The following STXBP6 variants were observed in gnomAD, a reference collection of about 807,000 sequenced individuals.
The protein encoded by STXBP6 is syntaxin binding protein 6, also known as syntaxin-binding protein 6.
A neutral mutation model predicts 26.9 loss-of-function variants in STXBP6; 21 were observed. That is an observed-to-expected ratio of 0.78 (90% CI 0.55 to 1.12). The LOEUF is 1.12. Ranked by LOEUF, STXBP6 falls within the 50% of genes most tolerant of loss-of-function variation. The probability of loss-of-function intolerance (pLI) is 0.00; values close to 1 mark genes in which losing one functional copy is unlikely to be tolerated. For missense variants in STXBP6, 232 were observed against 257.9 expected, an observed-to-expected ratio of 0.90 and a Z score of 0.69; for synonymous variants, 97 against 92.6, an observed-to-expected ratio of 1.05 and a Z score of -0.27.
chr14:24,919,434 GAAA>G (rs1159839415), intron 2 of STXBP6, among the ~76,000 whole-genome samples: 2 of 144,260 alleles, frequency 1.4e-5, no homozygotes, highest in African/African-American at 5.2e-5. Context: ...AAATAAATGC[GAAA>G]AATAAAAAAA....
At chr14:24,902,968 C>T (rs2071265447) in intron 2 of STXBP6, among the ~76,000 whole-genome samples, 1 of 152,024 alleles carries the variant, frequency 6.6e-6, no homozygotes, top group African/African-American at 2.4e-5. Flanking sequence ...AAATATTTTG[C>T]AATATATTTA....
chr14:24,824,581 C>T (rs1189080775), intron 4 of STXBP6, among the ~76,000 whole-genome samples: 5 of 152,218 alleles, frequency 3.3e-5, no homozygotes, highest in African/African-American at 1.2e-4. Flanking sequence ...TACTAAATCA[C>T]ATCACTGCAT....
chr14:24,826,223 C>T (rs185299908), intron 4 of STXBP6, among the ~76,000 whole-genome samples: 4 of 151,828 alleles, frequency 2.6e-5, no homozygotes, highest in Admixed American at 2.6e-4. Flanking sequence ...ATACTTGCTA[C>T]TTACCAGCTG....
intron 2 of STXBP6, among the ~76,000 whole-genome samples, chr14:24,905,939 T>G (rs530818145): frequency 6.6e-6 from 1 of 152,256 alleles, no homozygotes; most frequent in African/African-American, 2.4e-5. Flanking sequence ...ATCTTATCCA[T>G]TGTAATAAGT....
chr14:25,027,946 TCTAA>T (rs1050479854), intron 1 of STXBP6, among the ~76,000 whole-genome samples: 9 of 152,158 alleles, frequency 5.9e-5, no homozygotes, highest in African/African-American at 1.7e-4. Flanking sequence ...AGAGAAAGGC[TCTAA>T]CTCTCTTCAA....
intron 2 of STXBP6, among the ~76,000 whole-genome samples, chr14:24,880,233 T>C (rs1021322648): frequency 4.6e-5 from 7 of 152,194 alleles, no homozygotes; most frequent in African/African-American, 1.7e-4. Flanking sequence ...GCGGAAAGTT[T>C]CCTTAGTTAG....
At chr14:24,840,517 G>A (rs1231738339) in intron 4 of STXBP6, among the ~76,000 whole-genome samples, 1 of 152,178 alleles carries the variant, frequency 6.6e-6, no homozygotes, top group African/African-American at 2.4e-5. Context: ...ATTACTCCCA[G>A]AGCTTTCCTG....
chr14:25,043,280 CCAAAGA>C (rs1337420943), intron 1 of STXBP6, among the ~76,000 whole-genome samples: 1 of 152,130 alleles, frequency 6.6e-6, no homozygotes, highest in African/African-American at 2.4e-5. Context: ...TTCTAGAAAG[CCAAAGA>C]CAAACAAGGA....
chr14:24,826,069 T>C (rs1594913917), intron 4 of STXBP6, among the ~76,000 whole-genome samples: 1 of 152,250 alleles, frequency 6.6e-6, no homozygotes, highest in Non-Finnish European at 1.5e-5. Flanking sequence ...CCAGCTATGA[T>C]CTACAGGTCT....
At chr14:24,884,565 G>A (rs1018578765) in intron 2 of STXBP6, among the ~76,000 whole-genome samples, 2 of 152,160 alleles carry the variant, frequency 1.3e-5, no homozygotes, top group Non-Finnish European at 1.5e-5. Flanking sequence ...TGAACCAACC[G>A]TCAGTGCAAG....
rs112678336 is a variant in STXBP6, at chr14:24,968,846, C to T, written c.154+5819G>A. Among the ~76,000 whole-genome samples, 91 of 152,128 alleles carry T rather than the reference C, an allele frequency of 6.0e-4. 1 individual carries two copies. The highest frequency in any genetic ancestry group is 2.1e-3 in the African/African-American group (87 of 41,496). On this transcript the variant is annotated intron_variant, in intron 2 of 5. Transcript: ENST00000323944. ...AAAATATATCATTATGTCAGATATC[C>T]CAATAAGACAACCCAGAGCATACCC...
In STXBP6 at chr14:24,883,252, T is replaced by G. The variant is rs547430383; in HGVS notation, c.155-26095A>C. ...AAGTATAGAAATACTGCTAAAAGCA[T>G]GTTTTTTTTTAAAAAATACACTCTT... On this transcript the variant is annotated intron_variant, in intron 2 of 5. Coordinates refer to ENST00000323944, the MANE Select transcript of STXBP6 (RefSeq NM_001394410.1). 3.3e-5 allele frequency among the ~76,000 whole-genome samples: 5 copies of G among 152,212 alleles called. No individual in the cohort carries two copies. In the South Asian group the frequency reaches 1.0e-3, roughly 32 times the overall value.
At chr14:24,856,239 T>C in intron 3 of STXBP6, 138 bp from the exon 4 acceptor site, 1 of 834,540 alleles carries the variant, frequency 1.2e-6, no homozygotes, top group Non-Finnish European at 1.7e-6. Flanking sequence ...TCCAAGTGTA[T>C]GGAGAGTCTA....
At chr14:25,029,745 A>G (rs1952490) in intron 1 of STXBP6, among the ~76,000 whole-genome samples, 57,811 of 152,024 alleles carry the variant, frequency 0.38, 12,999 homozygotes, top group African/African-American at 0.63. Context: ...CCCTCCTGAA[A>G]AGACTTACCA....
At chr14:25,025,878 A>G (rs569179924) in intron 1 of STXBP6, among the ~76,000 whole-genome samples, 19 of 152,362 alleles carry the variant, frequency 1.2e-4, no homozygotes, top group African/African-American at 4.6e-4. Context: ...CCCAAAGGAT[A>G]AACACTCAAC....
At chr14:25,027,147 T>C (rs1485461351) in intron 1 of STXBP6, among the ~76,000 whole-genome samples, 1 of 152,184 alleles carries the variant, frequency 6.6e-6, no homozygotes, top group Admixed American at 6.5e-5. Flanking sequence ...CCGTAATGCA[T>C]AGATACAAGC....
At chr14:24,856,217 G>A (rs1160141784) in intron 3 of STXBP6, 116 bp from the exon 4 acceptor site, 38 of 1,045,168 alleles carry the variant, frequency 3.6e-5, no homozygotes, top group Non-Finnish European at 4.6e-5. Flanking sequence ...GCAATCATAA[G>A]GCTCATCTTT....
intron 2 of STXBP6, among the ~76,000 whole-genome samples, chr14:24,923,310 T>C (rs964967830): frequency 1.3e-5 from 2 of 152,316 alleles, no homozygotes; most frequent in Middle Eastern, 3.4e-3. Flanking sequence ...TTCATGTTGA[T>C]CAATGTAGCT....
At chr14:24,988,032 T>G (rs1362212176) in intron 1 of STXBP6, 2 of 234,574 alleles carry the variant, frequency 8.5e-6, no homozygotes, top group Admixed American at 6.5e-5. Flanking sequence ...TGAGAAGAAA[T>G]CAATATAGAC....
Sources: allele counts gnomAD v4.1 joint callset (sites outside exome capture counted in the v4.1 genomes callset), GRCh38; gene constraint gnomAD v4.1.1; transcripts MANE v1.5; gene names NCBI Gene and HGNC (gene_info 2026-07-23, HGNC 2026-07-21).